Variants in DMAC2 observed in about 807,000 individuals in gnomAD.
DMAC2 encodes the protein distal membrane-arm assembly complex protein 2.
In DMAC2, 32 loss-of-function variants were observed where a neutral mutation model predicts 29.6. The ratio of observed to expected loss-of-function variants is 1.08; its 90% CI spans 0.81 to 1.45. DMAC2 has a LOEUF of 1.45. DMAC2 is among the 40% of genes most tolerant of loss of function. The pLI, the probability that DMAC2 is intolerant of heterozygous loss-of-function variation, is 0.00. For missense variants in DMAC2, 319 were observed against 340.0 expected (o/e 0.94, Z 0.49); for synonymous variants, 133 against 137.4 (o/e 0.97, Z 0.23).
chr19:41,437,656 G>T (rs545014120), intron 2 of DMAC2, among the ~76,000 whole-genome samples: 1 of 150,900 alleles, frequency 6.6e-6, no homozygotes, highest in Non-Finnish European at 1.5e-5. Flanking sequence ...CTTAGATTGC[G>T]CCACTACACT....
chr19:41,437,265 G>A (rs1019012429), intron 2 of DMAC2, among the ~76,000 whole-genome samples: 5 of 151,794 alleles, frequency 3.3e-5, no homozygotes, highest in African/African-American at 1.2e-4. Context: ...GTGTGGTGGC[G>A]CCTGCCTGTA....
chr19:41,439,472 A>C, intron 1 of DMAC2: 1 of 1,536,574 alleles, frequency 6.5e-7, no homozygotes, highest in Non-Finnish European at 8.7e-7. Context: ...AACTTTCCTT[A>C]CATTCATCCT....
At chr19:41,435,176 CTA>C (rs1478633276) in intron 3 of DMAC2, among the ~76,000 whole-genome samples, 4 of 152,036 alleles carry the variant, frequency 2.6e-5, no homozygotes, top group African/African-American at 9.7e-5. Context: ...CGAGGTTTCA[CTA>C]TGTTGCCGAG....
intron 1 of DMAC2, 187 bp downstream of exon 1, chr19:41,439,695 G>C (rs1555772470): frequency 3.8e-6 from 5 of 1,300,100 alleles, no homozygotes; most frequent in African/African-American, 1.5e-5. Flanking sequence ...CGTCTCCTCC[G>C]CCTGCGACCC....
intron 5 of DMAC2, 160 bp from the exon 6 acceptor site, chr19:41,432,568 CGT>C (rs149102482): frequency 0.046 from 22,478 of 487,464 alleles, 410 homozygotes; most frequent in African/African-American, 0.16. Context: ...ACAGTGTGTG[CGT>C]GTGTGTGTGT....
intron 3 of DMAC2, among the ~76,000 whole-genome samples, chr19:41,435,663 G>A (rs1393034440): frequency 2.0e-5 from 3 of 152,006 alleles, no homozygotes; most frequent in Non-Finnish European, 2.9e-5. Context: ...GGACTGAAGC[G>A]ATTCTCCCGC....
rs1555768662 is a variant in DMAC2 at position 41,431,366 on chromosome 19, T to C, written c.*865A>G. On this transcript the variant is annotated 3_prime_UTR_variant, in exon 6 of 6. Coordinates refer to ENST00000221943, the MANE Select transcript of DMAC2 (RefSeq NM_018035.3). ...TATAGAGAATTACTGGCTTTAACAGTGAACTGGAATAATGAGGGCTTCACT... is the reference window on the plus strand; with the variant it reads ...TATAGAGAATTACTGGCTTTAACAGCGAACTGGAATAATGAGGGCTTCACT... 1 of 510,910 alleles carries C rather than the reference T, an allele frequency of 2.0e-6. No individual in the cohort carries two copies. Among genetic ancestry groups the C allele is most frequent in the Admixed American group, 2.0e-5 (1 of 51,062 alleles). The allele number at this position is 510,910 out of a possible 1,614,324, so 31.6% of individuals were successfully genotyped here. A position where few individuals can be genotyped will look rare whatever the true frequency, so the allele number is the denominator to read the frequency against.
At chr19:41,439,524 T>C in intron 1 of DMAC2, 1 of 1,537,118 alleles carries the variant, frequency 6.5e-7, no homozygotes, top group Middle Eastern at 1.7e-4. Context: ...GAACAATCCC[T>C]TCCAAGCTCT....
intron 2 of DMAC2, 142 bp from the exon 3 acceptor site, chr19:41,436,614 C>T: frequency 1.4e-6 from 1 of 697,774 alleles, no homozygotes; most frequent in Non-Finnish European, 2.4e-6. Flanking sequence ...TATTGCCCAC[C>T]TCCTAAGTGC....
chr19:41,433,366 G>T lies in DMAC2; in HGVS notation c.502C>A (p.Arg168Ser). 1 of 1,612,856 alleles carries T rather than the reference G, an allele frequency of 6.2e-7. No homozygotes were observed. ...CCHVDDWCLS[R>S]LYPLADSLQE... ...AACGAGTCGGCCAGTGGGTAGAGGC[G>T]GCTGAGACACCAGTCGTCCACGTGG... The change falls in exon 5 of 6, where the codon CGC (arginine) becomes AGC (serine). Residue 168 changes from arginine (R) to serine (S), a missense_variant. Physicochemically the swap from Arg to Ser is moderately radical, Grantham distance 110. Transcript: ENST00000221943.
At position 41,432,315 on chromosome 19, in the gene DMAC2, C is replaced by G; in HGVS notation, c.690G>C (p.Glu230Asp). 1 of 1,614,214 alleles carries G rather than the reference C, an allele frequency of 6.2e-7. No homozygotes were observed. Among genetic ancestry groups the G allele is most frequent in the Non-Finnish European group, 8.5e-7 (1 of 1,180,044 alleles). Residue 230 changes from glutamate (E) to aspartate (D), a missense_variant, in exon 6 of 6, where the codon GAG becomes GAC. Glu to Asp is a conservative substitution (Grantham distance 45). Coordinates refer to ENST00000221943, the MANE Select transcript of DMAC2 (RefSeq NM_018035.3). ...ILVEEMLPNC[E>D]VVGVDWAEGL... ...CCTCAGCCCAGTCGACTCCCACAAC[C>G]TCGCAATTGGGCAGCATCTCCTCCA...
rs368134749 is a variant in DMAC2 at position 41,433,536 on chromosome 19, C to T, written c.433+1G>A. The stretch of plus-strand genomic sequence containing the variant: ...TCCCATCTCCACCCCACCGCACTCA[C>T]GGAGGTTATCCAGGCCCTCGTAGTT... On this transcript the variant is annotated splice_donor_variant, in intron 4 of 5. Coordinates refer to ENST00000221943, the MANE Select transcript of DMAC2 (RefSeq NM_018035.3). LOFTEE classifies it high-confidence loss of function. 1.2e-5 allele frequency: 20 copies of T among 1,614,096 alleles called. No homozygotes were observed. The highest frequency in any genetic ancestry group is 1.6e-4 in the Middle Eastern group (1 of 6,084).
At chr19:41,437,622 C>G (rs2039940067) in intron 2 of DMAC2, among the ~76,000 whole-genome samples, 1 of 151,784 alleles carries the variant, frequency 6.6e-6, no homozygotes, top group Admixed American at 6.6e-5. Flanking sequence ...TTGCTTGAAC[C>G]TGGGAGGTGG....
At chr19:41,438,502 A>C in intron 1 of DMAC2, 88 bp from the exon 2 acceptor site, 3 of 1,117,354 alleles carry the variant, frequency 2.7e-6, no homozygotes, top group Non-Finnish European at 3.7e-6. Flanking sequence ...CATGAACCTC[A>C]ATCCCTCTGC....
chr19:41,435,097 G>T (rs1269903576), intron 3 of DMAC2, among the ~76,000 whole-genome samples: 1 of 152,066 alleles, frequency 6.6e-6, no homozygotes, highest in Non-Finnish European at 1.5e-5. Flanking sequence ...CCCTGACAGG[G>T]TCCCACTGGG....
At position 41,431,562 on chromosome 19, in the gene DMAC2, G is replaced by C. The variant is rs1248303257; in HGVS notation, c.*669C>G. On this transcript the variant is annotated 3_prime_UTR_variant, in exon 6 of 6. Coordinates refer to ENST00000221943, the MANE Select transcript of DMAC2 (RefSeq NM_018035.3). ...GCTTCAGGAGCTGGGTGCTGGGGAAGCCACATGCACTGCGGCGTCCAGAGG... is the reference window on the plus strand; with the variant it reads ...GCTTCAGGAGCTGGGTGCTGGGGAACCCACATGCACTGCGGCGTCCAGAGG... 8.7e-6 allele frequency: 3 copies of C among 344,534 alleles called. No individual in the cohort carries two copies. Among genetic ancestry groups the C allele is most frequent in the Non-Finnish European group, 1.7e-5 (3 of 175,700 alleles). 21.3% of individuals were successfully genotyped at this position (344,534 alleles called of 1,614,324 possible).
chr19:41,433,254 C>T lies in DMAC2; in HGVS notation c.596+18G>A, dbSNP rs1555769948. The T allele has an allele frequency of 6.3e-7, 1 of 1,599,186 alleles. No homozygotes were observed. Among genetic ancestry groups the T allele is most frequent in the Non-Finnish European group, 8.5e-7 (1 of 1,174,752 alleles). The stretch of plus-strand genomic sequence containing the variant: ...AGAGGTGCCTGGGCATGTGGCCCAG[C>T]CTGAGCTGAGGTCTCACTGGAGGTG... On this transcript the variant is annotated intron_variant, in intron 5 of 5. Transcript: ENST00000221943.
chr19:41,431,420 T>A lies in DMAC2; in HGVS notation c.*811A>T, dbSNP rs2039505346. The A allele has an allele frequency of 2.2e-6, 1 of 452,266 alleles. No homozygotes were observed. The highest frequency in any genetic ancestry group is 2.4e-5 in the Admixed American group (1 of 42,400). 28.0% of individuals were successfully genotyped at this position (452,266 alleles called of 1,614,324 possible). ...AAAATGCTTCTGAATTGACTGGAAA[T>A]CCATTTGGGGTGCTGGGGAACGTTA... is the stretch of plus-strand genomic sequence containing the variant. On this transcript the variant is annotated 3_prime_UTR_variant, in exon 6 of 6. Coordinates refer to ENST00000221943, the MANE Select transcript of DMAC2 (RefSeq NM_018035.3).
rs782331250 is a variant in DMAC2 at position 41,436,486 on chromosome 19, G to A, written c.216-14C>T. ...CAGGTGTAAGATCTGCAGAGAAAAT[G>A]GTAGCTAAGGGTGAGGCCTGGGGAG... On this transcript the variant is annotated splice_polypyrimidine_tract_variant and intron_variant, in intron 2 of 5. Coordinates refer to ENST00000221943, the MANE Select transcript of DMAC2 (RefSeq NM_018035.3). 2 of 1,612,752 alleles carry A rather than the reference G, an allele frequency of 1.2e-6. No homozygotes were observed. Among genetic ancestry groups the A allele is most frequent in the South Asian group, 2.2e-5 (2 of 91,056 alleles).
Sources: allele counts gnomAD v4.1 joint callset (sites outside exome capture counted in the v4.1 genomes callset), GRCh38; gene constraint gnomAD v4.1.1; transcripts MANE v1.5; gene names NCBI Gene and HGNC (gene_info 2026-07-23, HGNC 2026-07-21).